STK32A: variants seen among roughly 807,000 people sequenced by gnomAD.
The protein encoded by STK32A is serine/threonine kinase 32A, also known as serine/threonine-protein kinase 32A.
Under a neutral mutation model 53.2 loss-of-function variants are expected in STK32A, and 41 were observed. The observed-to-expected ratio is 0.77, with a 90% CI of 0.60 to 1.00. The LOEUF is 1.00. Among genes scored for constraint, STK32A ranks in the 50% least tolerant of loss-of-function variants. The pLI, the probability that STK32A is intolerant of heterozygous loss-of-function variation, is 0.00. For synonymous variants in STK32A, 166 were observed against 162.8 expected, an observed-to-expected ratio of 1.02 and a Z score of -0.15; for missense variants, 458 against 485.8, an observed-to-expected ratio of 0.94 and a Z score of 0.54.
intron 5 of STK32A, among the ~76,000 whole-genome samples, chr5:147,340,968 T>C (rs1209180741): frequency 1.3e-5 from 2 of 152,220 alleles, no homozygotes; most frequent in Non-Finnish European, 2.9e-5. Context: ...ATCTCTGTAA[T>C]ATTAAGTTTC....
In STK32A at chr5:147,384,108, T is replaced by C. The variant is rs1050558888; in HGVS notation, c.*125T>C. On this transcript the variant is annotated 3_prime_UTR_variant, in exon 13 of 13. Transcript: ENST00000397936. ...GACTTAGAAAATGTGAATGAATATA[T>C]TTCAAAAAAGGCAGCACAACACAGT... 2.7e-6 allele frequency: 4 copies of C among 1,491,846 alleles called. No individual in the cohort carries two copies. The highest frequency in any genetic ancestry group is 3.5e-6 in the Non-Finnish European group (4 of 1,132,338). 92.4% of individuals were successfully genotyped at this position (1,491,846 alleles called of 1,614,324 possible).
intron 2 of STK32A, among the ~76,000 whole-genome samples, chr5:147,275,285 A>G (rs1755204380): frequency 6.6e-6 from 1 of 151,540 alleles, no homozygotes; most frequent in African/African-American, 2.4e-5. Flanking sequence ...TTTGTTGAAC[A>G]TTTAAAAAGG....
chr5:147,279,315 C>T lies in STK32A; in HGVS notation c.177C>T (p.Cys59=), dbSNP rs376525072. Residue 59 remains cysteine, a synonymous_variant, in exon 4 of 13, where the codon TGC becomes TGT. Transcript: ENST00000397936. ...YAMKYMNKQK[C]VERNEVRNVF... is the part of the protein sequence containing the mutation. ...TGAAGTACATGAATAAACAAAAGTGCGTGGAGCGCAATGAAGTGAGAAATG... is the reference window on the plus strand; with the variant it reads ...TGAAGTACATGAATAAACAAAAGTGTGTGGAGCGCAATGAAGTGAGAAATG... 8 of 1,613,704 alleles carry T rather than the reference C, an allele frequency of 5.0e-6. No individual in the cohort carries two copies. In the African/African-American group the frequency reaches 5.3e-5, roughly 11 times the overall value.
At chr5:147,341,410 G>A (rs1396186544) in intron 5 of STK32A, among the ~76,000 whole-genome samples, 3 of 152,170 alleles carry the variant, frequency 2.0e-5, no homozygotes, top group Non-Finnish European at 4.4e-5. Flanking sequence ...ATGAGGCACT[G>A]GGATAGAATA....
intron 6 of STK32A, among the ~76,000 whole-genome samples, chr5:147,345,001 T>C (rs1282205390): frequency 6.6e-6 from 1 of 152,204 alleles, no homozygotes; most frequent in African/African-American, 2.4e-5. Context: ...ACTTGGTCAT[T>C]GCAGATGAGG....
Position 147,387,625 on chromosome 5 carries a change from A to G in STK32A, c.*3642A>G, listed in dbSNP as rs1051049011. 6.6e-6 allele frequency: 1 copy of G among 152,248 alleles called. No homozygotes were observed. The highest frequency in any genetic ancestry group is 2.4e-5 in the African/African-American group (1 of 41,470). 9.4% of individuals were successfully genotyped at this position (152,248 alleles called of 1,614,324 possible). A position where few individuals can be genotyped will look rare whatever the true frequency, so the allele number is the denominator to read the frequency against. ...ACCCAGTTGTCCCTGTATTGTCTACATAAAATCCTGTTTCCTGCTATCTGT... is the reference window on the plus strand; with the variant it reads ...ACCCAGTTGTCCCTGTATTGTCTACGTAAAATCCTGTTTCCTGCTATCTGT... On this transcript the variant is annotated 3_prime_UTR_variant, in exon 13 of 13. Transcript: ENST00000397936.
intron 4 of STK32A, among the ~76,000 whole-genome samples, chr5:147,308,665 G>A (rs1426494423): frequency 6.6e-6 from 1 of 151,074 alleles, no homozygotes; most frequent in Non-Finnish European, 1.5e-5. Flanking sequence ...TTTGCTGTAG[G>A]CTATTTGTAG....
At chr5:147,295,236 C>T (rs547566179) in intron 4 of STK32A, among the ~76,000 whole-genome samples, 34 of 152,272 alleles carry the variant, frequency 2.2e-4, no homozygotes, top group African/African-American at 6.5e-4. Flanking sequence ...CATGACTTTA[C>T]GATTTAGTTA....
intron 4 of STK32A, among the ~76,000 whole-genome samples, chr5:147,283,877 G>A (rs1391835661): frequency 6.6e-6 from 1 of 151,696 alleles, no homozygotes; most frequent in South Asian, 2.1e-4. Flanking sequence ...AGAAGAATTG[G>A]TACCAATTCT....
intron 2 of STK32A, among the ~76,000 whole-genome samples, chr5:147,241,218 C>T (rs1753556619): frequency 6.6e-6 from 1 of 152,228 alleles, no homozygotes; most frequent in Admixed American, 6.5e-5. Flanking sequence ...GTGGCTCACG[C>T]CTGTAATCCC....
intron 2 of STK32A, among the ~76,000 whole-genome samples, chr5:147,257,415 G>C (rs1754284038): frequency 6.6e-6 from 1 of 152,088 alleles, no homozygotes; most frequent in African/African-American, 2.4e-5. Context: ...TCCCCACAGG[G>C]TATAACAAGG....
chr5:147,399,236 T>C, the STK32A span: 5 of 1,614,110 alleles, frequency 3.1e-6, no homozygotes, highest in Non-Finnish European at 4.2e-6. Flanking sequence ...CTGGTTTTCG[T>C]CCATTTTCCC....
At chr5:147,285,835 C>T (rs1752304679) in intron 4 of STK32A, among the ~76,000 whole-genome samples, 1 of 152,124 alleles carries the variant, frequency 6.6e-6, no homozygotes, top group Non-Finnish European at 1.5e-5. Context: ...CACTTCTACA[C>T]TGCTGGTGGG....
the STK32A span, among the ~76,000 whole-genome samples, chr5:147,399,714 C>A: frequency 7.2e-5 from 11 of 152,248 alleles, no homozygotes; most frequent in Non-Finnish European, 1.3e-4. Flanking sequence ...TTTTTGTTTT[C>A]TTTCAAGTGT....
chr5:147,257,347 A>G (rs1723831605), intron 2 of STK32A, among the ~76,000 whole-genome samples: 1 of 152,132 alleles, frequency 6.6e-6, no homozygotes. Context: ...GTCTGATGAC[A>G]GTCAGGAGGC....
intron 4 of STK32A, among the ~76,000 whole-genome samples, chr5:147,286,953 G>A (rs180952446): frequency 2.0e-5 from 3 of 152,250 alleles, no homozygotes; most frequent in Admixed American, 2.0e-4. Flanking sequence ...GCTGACTTGA[G>A]GTTGATATTT....
At chr5:147,350,134 TA>T (rs569791489) in intron 6 of STK32A, among the ~76,000 whole-genome samples, 300 of 150,076 alleles carry the variant, frequency 2.0e-3, no homozygotes, top group African/African-American at 6.7e-3. Context: ...AAATTAAATT[TA>T]AAAAAAACCT....
chr5:147,357,757 T>C (rs1187151403), intron 7 of STK32A, among the ~76,000 whole-genome samples: 1 of 152,114 alleles, frequency 6.6e-6, no homozygotes, highest in Non-Finnish European at 1.5e-5. Flanking sequence ...CAGTTGTATA[T>C]TATTTTGACT....
At chr5:147,393,955 C>A in the STK32A span, 2 of 1,427,456 alleles carry the variant, frequency 1.4e-6, no homozygotes, top group Non-Finnish European at 2.0e-6. Flanking sequence ...GATTCGCTTT[C>A]CTTCTTAAAT....
Sources: gnomAD v4.1 joint callset for allele counts (sites outside exome capture counted in the v4.1 genomes callset) on GRCh38, gnomAD v4.1.1 for gene constraint, MANE v1.5 for transcripts, NCBI Gene and HGNC (gene_info 2026-07-23, HGNC 2026-07-21) for gene names.